Variants in DOCK3 observed in about 807,000 individuals in gnomAD.
DOCK3 encodes the protein dedicator of cytokinesis protein 3.
In DOCK3, 60 loss-of-function variants were observed where a neutral mutation model predicts 265.6. The ratio of observed to expected loss-of-function variants is 0.23; its 90% confidence interval spans 0.18 to 0.28. The LOEUF is 0.28. Among genes scored for constraint, DOCK3 ranks in the 10% least tolerant of loss-of-function variants. The pLI, the probability that DOCK3 is intolerant of heterozygous loss-of-function variation, is 1.00. For missense variants in DOCK3, 1,981 were observed against 2,594.3 expected (o/e 0.76, Z 5.14); for synonymous variants, 881 against 938.0 (o/e 0.94, Z 1.11).
intron 13 of DOCK3, among the ~76,000 whole-genome samples, chr3:51,212,438 T>G (rs996260716): frequency 4.6e-5 from 7 of 151,940 alleles, no homozygotes; most frequent in Non-Finnish European, 1.0e-4. Context: ...ACTGTTTTTT[T>G]TTTTTTTTTT....
intron 1 of DOCK3, among the ~76,000 whole-genome samples, chr3:50,737,990 T>A (rs2038753588): frequency 6.6e-6 from 1 of 152,216 alleles, no homozygotes; most frequent in Non-Finnish European, 1.5e-5. Flanking sequence ...TCTTGTCTTC[T>A]GTGCATTTGA....
intron 9 of DOCK3, among the ~76,000 whole-genome samples, chr3:51,107,437 C>T (rs2083329741): frequency 1.3e-5 from 2 of 152,112 alleles, no homozygotes; most frequent in Non-Finnish European, 2.9e-5. Context: ...AACGTTGAAA[C>T]ACAATCTAAG....
intron 5 of DOCK3, among the ~76,000 whole-genome samples, chr3:50,972,077 T>C (rs2077254551): frequency 6.6e-6 from 1 of 152,172 alleles, no homozygotes; most frequent in Non-Finnish European, 1.5e-5. Flanking sequence ...TGAAGATATC[T>C]ATCTTGTGGC....
rs542478635 is a variant in DOCK3, at chr3:50,916,545, C to T, written c.219-17436C>T. Among the ~76,000 whole-genome samples the T allele has an allele frequency of 7.8e-4, 119 of 152,176 alleles. 2 individuals are homozygous for T. The highest frequency in any genetic ancestry group is 2.7e-3 in the African/African-American group (110 of 41,464). ...AAAATGTAGTTGTCTTGGCCAGGCA[C>T]GGTGGCTCACACCTGTAATCGCAGC... On this transcript the variant is annotated intron_variant, in intron 4 of 52. Transcript: ENST00000266037.
intron 3 of DOCK3, among the ~76,000 whole-genome samples, chr3:50,888,524 T>C (rs1369751265): frequency 2.0e-5 from 3 of 152,222 alleles, no homozygotes; most frequent in Non-Finnish European, 4.4e-5. Flanking sequence ...AAAGTTCATA[T>C]GGAACCAAAG....
At chr3:51,107,413 T>C (rs1292400129) in intron 9 of DOCK3, among the ~76,000 whole-genome samples, 1 of 152,300 alleles carries the variant, frequency 6.6e-6, no homozygotes, top group South Asian at 2.1e-4. Flanking sequence ...ATGAAGATCA[T>C]TGAGATTCAG....
At chr3:50,993,337 A>G (rs2078174980) in intron 5 of DOCK3, among the ~76,000 whole-genome samples, 3 of 152,238 alleles carry the variant, frequency 2.0e-5, no homozygotes, top group African/African-American at 7.2e-5. Context: ...ATTTGGCTTA[A>G]TAATTCCTTG....
chr3:50,909,309 A>G (rs2049729617), intron 4 of DOCK3, among the ~76,000 whole-genome samples: 1 of 151,966 alleles, frequency 6.6e-6, no homozygotes, highest in African/African-American at 2.4e-5. Flanking sequence ...TCATAGTGTC[A>G]CTGTTCTTCT....
intron 4 of DOCK3, among the ~76,000 whole-genome samples, chr3:50,931,674 T>C (rs1045088970): frequency 6.6e-6 from 1 of 152,204 alleles, no homozygotes; most frequent in African/African-American, 2.4e-5. Context: ...AATTAAACCA[T>C]AGTTATTTTC....
chr3:51,338,745 A>G (rs1423837547), intron 36 of DOCK3, among the ~76,000 whole-genome samples, 190 bp from the exon 37 acceptor site: 1 of 152,150 alleles, frequency 6.6e-6, no homozygotes, highest in Non-Finnish European at 1.5e-5. Context: ...CAGGGCTCCC[A>G]TAGACCTGCC....
chr3:51,018,058 A>AT (rs1270801210), intron 5 of DOCK3, among the ~76,000 whole-genome samples: 6 of 151,088 alleles, frequency 4.0e-5, no homozygotes, highest in Non-Finnish European at 8.8e-5. Flanking sequence ...TGCCCAGCTC[A>AT]TTTTTGTATT....
At chr3:50,824,194 G>T (rs1444693658) in intron 2 of DOCK3, among the ~76,000 whole-genome samples, 1 of 152,168 alleles carries the variant, frequency 6.6e-6, no homozygotes, top group African/African-American at 2.4e-5. Context: ...GTGAATAAAT[G>T]AATGCAACAT....
rs552736389 is a variant in DOCK3, at chr3:51,276,461, G to T, written c.2677-1147G>T. ...TGGGAACCAGTAAAAACTTGGAGGT[G>T]ACGGTTTGGTTGTGTTTGTGGGGCT... On this transcript the variant is annotated intron_variant, in intron 25 of 52. Coordinates refer to ENST00000266037, the MANE Select transcript of DOCK3 (RefSeq NM_004947.5). 4.2e-5 allele frequency: 41 copies of T among 984,796 alleles called. No homozygotes were observed. The African/African-American group carries it at 7.0e-4, about 17-fold the overall frequency. The allele number at this position is 984,796 out of a possible 1,614,324, so 61.0% of individuals were successfully genotyped here.
intron 2 of DOCK3, among the ~76,000 whole-genome samples, chr3:50,815,471 A>G (rs1272513355): frequency 1.3e-5 from 2 of 152,164 alleles, no homozygotes; most frequent in Non-Finnish European, 1.5e-5. Context: ...TCACTTCATA[A>G]TCATGAAATT....
intron 12 of DOCK3, among the ~76,000 whole-genome samples, chr3:51,207,977 A>T (rs1351681753): frequency 6.6e-6 from 1 of 152,206 alleles, no homozygotes; most frequent in Non-Finnish European, 1.5e-5. Context: ...AGGAATTCCT[A>T]GTCTCTGTTC....
intron 11 of DOCK3, 26 bp downstream of exon 11, chr3:51,159,330 T>C (rs781399156): frequency 6.2e-7 from 1 of 1,605,294 alleles, no homozygotes; most frequent in Non-Finnish European, 8.5e-7. Context: ...CCCATTCACA[T>C]GACTAAGAAT....
chr3:50,922,303 GA>G (rs2050522077), intron 4 of DOCK3, among the ~76,000 whole-genome samples: 1 of 152,226 alleles, frequency 6.6e-6, no homozygotes. Flanking sequence ...TTTGATCTCA[GA>G]CTGCTGTGCT....
intron 9 of DOCK3, among the ~76,000 whole-genome samples, chr3:51,134,345 T>C (rs941648449): frequency 2.6e-5 from 4 of 152,208 alleles, no homozygotes; most frequent in Admixed American, 2.6e-4. Flanking sequence ...GAAGACCTGA[T>C]AGGGGCTGTA....
chr3:51,379,557 G>A (rs1384852337), intron 51 of DOCK3: 31 of 985,322 alleles, frequency 3.1e-5, no homozygotes, highest in South Asian at 4.7e-5. Flanking sequence ...GTGCCTCCCC[G>A]AAGCCTGCTG....
Sources: gnomAD v4.1 joint callset for allele counts (sites outside exome capture counted in the v4.1 genomes callset) on GRCh38, gnomAD v4.1.1 for gene constraint, MANE v1.5 for transcripts, NCBI Gene and HGNC (gene_info 2026-07-23, HGNC 2026-07-21) for gene names.